The following CATIP variants were observed in gnomAD, a reference collection of about 807,000 sequenced individuals.
CATIP encodes the protein ciliogenesis associated TTC17 interacting protein, also known as ciliogenesis-associated TTC17-interacting protein.
Under a neutral mutation model 42.5 loss-of-function variants are expected in CATIP, and 40 were observed. That is an observed-to-expected ratio of 0.94 (90% CI 0.73 to 1.22). The LOEUF is 1.22. CATIP is among the 50% of genes most tolerant of loss of function. CATIP has a pLI of 0.00. For synonymous variants in CATIP, 222 were observed against 200.2 expected (o/e 1.11, Z -0.92); for missense variants, 489 against 496.0 (o/e 0.99, Z 0.13).
intron 5 of CATIP, among the ~76,000 whole-genome samples, 155 bp downstream of exon 5, chr2:218,360,814 G>A (rs951953922): frequency 6.6e-6 from 1 of 151,126 alleles, no homozygotes; most frequent in South Asian, 2.1e-4. Flanking sequence ...GCCCAAAGTG[G>A]TTGGGGCACA....
In CATIP at chr2:218,367,421, C is replaced by A; in HGVS notation, c.833-9C>A. The stretch of plus-strand genomic sequence containing the variant: ...TAGGGACGCCCAGCCTTCCTTGTTC[C>A]CCACCTAGATGAGATTGAGCCACGC... On this transcript the variant is annotated splice_polypyrimidine_tract_variant and intron_variant, in intron 8 of 9. Coordinates refer to ENST00000289388, the MANE Select transcript of CATIP (RefSeq NM_198559.2). 1 of 1,613,824 alleles carries A rather than the reference C, an allele frequency of 6.2e-7. No homozygotes were observed. Among genetic ancestry groups the A allele is most frequent in the African/African-American group, 1.3e-5 (1 of 75,012 alleles).
chr2:218,362,677 C>T, intron 5 of CATIP, 58 bp from the exon 6 acceptor site: 1 of 1,556,350 alleles, frequency 6.4e-7, no homozygotes, highest in Non-Finnish European at 8.8e-7. Context: ...CTTGCCCACC[C>T]TCCTGTCCCC....
chr2:218,359,577 G>A (rs542907033), intron 4 of CATIP, among the ~76,000 whole-genome samples: 1 of 152,194 alleles, frequency 6.6e-6, no homozygotes, highest in South Asian at 2.1e-4. Context: ...CTCCAGGGAG[G>A]CACTGGGCTC....
In CATIP at chr2:218,367,830, G is replaced by T. The variant is rs767545247; in HGVS notation, c.1030G>T (p.Val344Phe). Residue 344 changes from valine (V) to phenylalanine (F), a missense_variant, in exon 10 of 10, where the codon GTC becomes TTC. Val to Phe is a conservative substitution (Grantham distance 50). Transcript: ENST00000289388. The part of the protein sequence containing the change: ...FLLLRQPEDV[V>F]TFAAEFFGPF... ...GCTGCTGCGCCAGCCGGAGGACGTG[G>T]TCACCTTCGCCGCCGAGTTCTTCGG... 1.2e-6 allele frequency: 2 copies of T among 1,613,146 alleles called. No homozygotes were observed. The highest frequency in any genetic ancestry group is 1.7e-6 in the Non-Finnish European group (2 of 1,179,878).
At chr2:218,359,208 G>C (rs910986202) in intron 4 of CATIP, among the ~76,000 whole-genome samples, 1 of 151,788 alleles carries the variant, frequency 6.6e-6, no homozygotes, top group African/African-American at 2.4e-5. Flanking sequence ...CAGGCATGGT[G>C]GTGGGCACCT....
chr2:218,363,271 G>A (rs1437600908), intron 6 of CATIP, among the ~76,000 whole-genome samples: 1 of 147,090 alleles, frequency 6.8e-6, no homozygotes, highest in Non-Finnish European at 1.5e-5. Context: ...ACAAGGTCAG[G>A]AGATCTAGAC....
intron 6 of CATIP, among the ~76,000 whole-genome samples, chr2:218,363,142 G>A (rs74270394): frequency 0.086 from 13,141 of 152,200 alleles, 630 homozygotes; most frequent in Non-Finnish European, 0.11. Flanking sequence ...CCGCACAGAA[G>A]TCAGTCCAGG....
intron 7 of CATIP, among the ~76,000 whole-genome samples, chr2:218,365,331 G>A (rs1268941240): frequency 2.6e-5 from 4 of 151,890 alleles, no homozygotes; most frequent in African/African-American, 7.2e-5. Flanking sequence ...GGAGGATGGC[G>A]TGAACCCAGG....
intron 4 of CATIP, among the ~76,000 whole-genome samples, chr2:218,360,205 T>G (rs1401009630): frequency 6.6e-6 from 1 of 151,488 alleles, no homozygotes; most frequent in East Asian, 1.9e-4. Context: ...CAGGCTGGAG[T>G]GTAGTGGTGC....
At chr2:218,358,631 G>A (rs1695122773) in intron 4 of CATIP, among the ~76,000 whole-genome samples, 1 of 152,126 alleles carries the variant, frequency 6.6e-6, no homozygotes, top group African/African-American at 2.4e-5. Flanking sequence ...CAGCACTTTG[G>A]GAGGCCAAAG....
intron 6 of CATIP, 70 bp downstream of exon 6, chr2:218,362,972 T>A: frequency 1.4e-6 from 2 of 1,465,450 alleles, no homozygotes; most frequent in Non-Finnish European, 1.8e-6. Flanking sequence ...AGCACTGAGA[T>A]GGGGAACAGC....
rs970091183 is a variant in CATIP at position 218,362,181 on chromosome 2, C to A, written c.463-554C>A. Among the ~76,000 whole-genome samples the A allele has an allele frequency of 1.1e-3, 173 of 151,906 alleles. 1 individual carries two copies. The highest frequency in any genetic ancestry group is 5.6e-4 in the Non-Finnish European group (38 of 67,966). ...ACCAGCCTGGCCAATATGGTGAAAT[C>A]CCCTCTAATAAAAATACAAAAATTA... On this transcript the variant is annotated intron_variant, in intron 5 of 9. Transcript: ENST00000289388.
At position 218,364,886 on chromosome 2, in the gene CATIP, T is replaced by C. The variant is rs150843932; in HGVS notation, c.755+134T>C. 9.5e-4 allele frequency: 947 copies of C among 996,384 alleles called. 8 individuals carry two copies. The African/African-American group carries it at 0.014, about 15-fold the overall frequency. The allele number at this position is 996,384 out of a possible 1,614,324, so 61.7% of individuals were successfully genotyped here. ...GTGTCCCTCCGCTTTATCCATATCA[T>C]TCACTCTTTCTTCATTTATTTGCTC... On this transcript the variant is annotated intron_variant, in intron 7 of 9. Coordinates refer to ENST00000289388, the MANE Select transcript of CATIP (RefSeq NM_198559.2).
rs766328855 is a variant in CATIP at position 218,362,807 on chromosome 2, G to GT, written c.536dup (p.Leu180AlafsTer47). 3 of 1,614,142 alleles carry GT rather than the reference G, an allele frequency of 1.9e-6. No individual in the cohort carries two copies. Among genetic ancestry groups the GT allele is most frequent in the Non-Finnish European group, 2.5e-6 (3 of 1,180,036 alleles). On this transcript the variant is annotated frameshift_variant, in exon 6 of 10. Transcript: ENST00000289388. LOFTEE classifies it high-confidence loss of function. Reference sequence around the variant, plus strand: ...CTTCATCTCAGAGGCTGCCAACCTGGTGCTGCTCAGGGTGATGGCCTGGCG... The same window carrying GT: ...CTTCATCTCAGAGGCTGCCAACCTGGTTGCTGCTCAGGGTGATGGCCTGGCG...
At position 218,362,880 on chromosome 2, in the gene CATIP, GC is replaced by G. The variant is rs1695284728; in HGVS notation, c.609del (p.Lys204AsnfsTer5). On this transcript the variant is annotated frameshift_variant, in exon 6 of 10. Transcript: ENST00000289388. LOFTEE classifies it high-confidence loss of function. ...CGCTTCCTGACCTTGGACACCGAGG[GC>G]AAACTCTGCTATTTGACCTATGTAA... ...NARFLTLDTEGKLCYLTYQNL... is the reference protein window; with the variant it reads ...NARFLTLDTEXKLCYLTYQNL... The G allele has an allele frequency of 1.2e-6, 2 of 1,613,422 alleles. No homozygotes were observed. The highest frequency in any genetic ancestry group is 2.7e-5 in the African/African-American group (2 of 75,038).
At chr2:218,362,187 T>C (rs767091324) in intron 5 of CATIP, among the ~76,000 whole-genome samples, 3 of 151,720 alleles carry the variant, frequency 2.0e-5, no homozygotes, top group African/African-American at 4.8e-5. Flanking sequence ...AAATCCCCTC[T>C]AATAAAAATA....
At chr2:218,358,883 C>CAAA (rs34797850) in intron 4 of CATIP, among the ~76,000 whole-genome samples, 4 of 123,664 alleles carry the variant, frequency 3.2e-5, no homozygotes, top group Middle Eastern at 4.3e-3. Context: ...GACCCTGTCT[C>CAAA]AAAAAAAAAA....
chr2:218,356,963 T>A, intron 1 of CATIP, 54 bp downstream of exon 1: 2 of 1,608,252 alleles, frequency 1.2e-6, no homozygotes, highest in South Asian at 2.2e-5. Flanking sequence ...TTCTTCCCAA[T>A]CCACCCTCGG....
intron 5 of CATIP, 131 bp from the exon 6 acceptor site, chr2:218,362,604 C>A: frequency 2.4e-6 from 2 of 819,152 alleles, no homozygotes; most frequent in Non-Finnish European, 3.8e-6. Flanking sequence ...TGCACTCCAG[C>A]CTGGGTGACA....
Sources: gnomAD v4.1 joint callset for allele counts (sites outside exome capture counted in the v4.1 genomes callset) on GRCh38, gnomAD v4.1.1 for gene constraint, MANE v1.5 for transcripts, NCBI Gene and HGNC (gene_info 2026-07-23, HGNC 2026-07-21) for gene names.